PVT1: variants seen among roughly 807,000 people sequenced by gnomAD.
PVT1 encodes CXCR4/PVT1 fusion.
intron 3 of PVT1, among the ~76,000 whole-genome samples, chr8:127,931,090 G>T (rs1407734128): frequency 6.6e-6 from 1 of 152,078 alleles, no homozygotes; most frequent in Non-Finnish European, 1.5e-5. Flanking sequence ...TTTTTTTGTA[G>T]TGATGGGGTT....
intron 5 of PVT1, among the ~76,000 whole-genome samples, chr8:128,079,774 G>T (rs1187771648): frequency 1.3e-5 from 2 of 152,052 alleles, no homozygotes; most frequent in African/African-American, 4.8e-5. Flanking sequence ...GCCCAGGCTG[G>T]AGTGTAGTGG....
chr8:127,894,602 T>A (rs1342588150), intron 3 of PVT1, among the ~76,000 whole-genome samples: 1 of 152,190 alleles, frequency 6.6e-6, no homozygotes, highest in Non-Finnish European at 1.5e-5. Flanking sequence ...ATAAAAAAAT[T>A]GTTTTGTGTT....
At chr8:128,024,307 C>T (rs1411052496) in intron 4 of PVT1, among the ~76,000 whole-genome samples, 1 of 152,108 alleles carries the variant, frequency 6.6e-6, no homozygotes, top group East Asian at 1.9e-4. Flanking sequence ...ACTGAAATTC[C>T]TGGATAAAAG....
rs576287824 is a variant in PVT1 at position 127,893,493 on chromosome 8, T to G, written n.782+2495T>G. On this transcript the variant is annotated intron_variant and non_coding_transcript_variant, in intron 3 of 10. Coordinates refer to ENST00000651587, the Ensembl canonical transcript of PVT1. Reference sequence around the variant, plus strand: ...AACTCCTGACTTCAAGTGATCTGCCTGCCTCGGCCTCCTAAAGAGCTGCGA... The same window carrying G: ...AACTCCTGACTTCAAGTGATCTGCCGGCCTCGGCCTCCTAAAGAGCTGCGA... Among the ~76,000 whole-genome samples, 236 of 152,270 alleles carry G rather than the reference T, an allele frequency of 1.5e-3. 2 individuals carry two copies. Among genetic ancestry groups the G allele is most frequent in the African/African-American group, 5.5e-3 (228 of 41,552 alleles).
At chr8:127,954,991 AT>A (rs1816552470) in intron 3 of PVT1, among the ~76,000 whole-genome samples, 1 of 152,232 alleles carries the variant, frequency 6.6e-6, no homozygotes, top group African/African-American at 2.4e-5. Flanking sequence ...TACAGTACGC[AT>A]ATCATACTAT....
chr8:128,065,779 G>GC lies in PVT1; in HGVS notation n.913-4380dup, dbSNP rs1380727171. Among the ~76,000 whole-genome samples, 4 of 152,166 alleles carry GC rather than the reference G, an allele frequency of 2.6e-5. 1 individual carries two copies. Among genetic ancestry groups the GC allele is most frequent in the Non-Finnish European group, 4.4e-5 (3 of 68,034 alleles). ...ACACAAAAAACTGGCTAACTTCTTA[G>GC]CAGCCCACTGAGTTCCGACAATGTG... On this transcript the variant is annotated intron_variant and non_coding_transcript_variant, in intron 4 of 10. Transcript: ENST00000651587.
At chr8:128,001,727 C>G (rs1392647266) in intron 4 of PVT1, among the ~76,000 whole-genome samples, 1 of 152,182 alleles carries the variant, frequency 6.6e-6, no homozygotes, top group Non-Finnish European at 1.5e-5. Context: ...ATTTATTTCT[C>G]ATAGTTCTCA....
At chr8:127,885,915 T>C (rs756999074) in intron 2 of PVT1, among the ~76,000 whole-genome samples, 73 of 152,114 alleles carry the variant, frequency 4.8e-4, no homozygotes, top group Non-Finnish European at 8.5e-4. Context: ...CTCTTGGGTC[T>C]AAAAGCTTTC....
chr8:127,812,515 C>G (rs1814609417), intron 2 of PVT1, among the ~76,000 whole-genome samples: 1 of 150,644 alleles, frequency 6.6e-6, no homozygotes, highest in Non-Finnish European at 1.5e-5. Flanking sequence ...ACCTATGTTC[C>G]CACCACTGTA....
chr8:127,987,934 G>A (rs1816987712), intron 3 of PVT1, among the ~76,000 whole-genome samples: 1 of 152,206 alleles, frequency 6.6e-6, no homozygotes, highest in African/African-American at 2.4e-5. Flanking sequence ...TCAGAGTAAG[G>A]GGGAATTCAC....
chr8:127,863,911 C>T (rs1815256676), intron 2 of PVT1, among the ~76,000 whole-genome samples: 1 of 152,168 alleles, frequency 6.6e-6, no homozygotes, highest in South Asian at 2.1e-4. Context: ...TGCTGAGGTG[C>T]CAGGCCTTTG....
At chr8:128,040,861 ATG>A (rs1388897183) in intron 4 of PVT1, among the ~76,000 whole-genome samples, 2 of 148,804 alleles carry the variant, frequency 1.3e-5, no homozygotes, top group Non-Finnish European at 3.0e-5. Flanking sequence ...GTGTATTTGT[ATG>A]TGTATTGTTT....
chr8:128,075,648 G>T (rs992708202), intron 5 of PVT1, among the ~76,000 whole-genome samples: 1 of 152,064 alleles, frequency 6.6e-6, no homozygotes, highest in East Asian at 1.9e-4. Flanking sequence ...AAGTGTATAC[G>T]CATGCACATA....
intron 4 of PVT1, among the ~76,000 whole-genome samples, chr8:128,052,976 A>G (rs552671063): frequency 6.6e-6 from 1 of 152,370 alleles, no homozygotes; most frequent in East Asian, 1.9e-4. Flanking sequence ...CCACTCTGCC[A>G]GACCTTTCTA....
At chr8:127,867,284 C>T (rs767191538) in intron 2 of PVT1, among the ~76,000 whole-genome samples, 15 of 152,190 alleles carry the variant, frequency 9.9e-5, no homozygotes, top group African/African-American at 2.2e-4. Flanking sequence ...GGGTCCAAGC[C>T]GCCACAGCCT....
At chr8:128,098,661 T>A (rs1814459374) in intron 6 of PVT1, among the ~76,000 whole-genome samples, 1 of 152,196 alleles carries the variant, frequency 6.6e-6, no homozygotes, top group African/African-American at 2.4e-5. Context: ...ATATTAGAGA[T>A]AATATGGTTC....
chr8:127,809,781 G>T (rs892096654), intron 2 of PVT1, among the ~76,000 whole-genome samples: 1 of 152,212 alleles, frequency 6.6e-6, no homozygotes, highest in African/African-American at 2.4e-5. Flanking sequence ...GACTGAGTTT[G>T]TTCCATAGTT....
intron 4 of PVT1, among the ~76,000 whole-genome samples, chr8:128,068,659 C>A (rs1309696082): frequency 6.6e-6 from 1 of 152,124 alleles, no homozygotes; most frequent in Non-Finnish European, 1.5e-5. Context: ...CCACACCCAG[C>A]TAATTTTTGT....
chr8:128,038,399 G>A (rs941969474), intron 4 of PVT1, among the ~76,000 whole-genome samples: 12 of 152,128 alleles, frequency 7.9e-5, no homozygotes, highest in Admixed American at 7.2e-4. Flanking sequence ...AGGTTGCCGC[G>A]GTGAACAGCA....
Sources: gnomAD v4.1 joint callset for allele counts (sites outside exome capture counted in the v4.1 genomes callset) on GRCh38, gnomAD v4.1.1 for gene constraint, MANE v1.5 for transcripts, NCBI Gene and HGNC (gene_info 2026-07-23, HGNC 2026-07-21) for gene names.